Variants in ZNF519 observed in about 807,000 individuals in gnomAD.
ZNF519 encodes zinc finger protein 519.
In ZNF519, 7 loss-of-function variants were observed where a neutral mutation model predicts 7.4. That is an observed-to-expected ratio of 0.94 (90% CI 0.54 to 1.77). The LOEUF (loss-of-function observed/expected upper bound fraction) is 1.77, where lower values mean the gene tolerates loss of function less well. Ranked by LOEUF, ZNF519 falls within the 40% of genes most tolerant of loss-of-function variation. The probability of loss-of-function intolerance (pLI) is 0.00; values close to 1 mark genes in which losing one functional copy is unlikely to be tolerated. For missense variants in ZNF519, 586 were observed against 623.1 expected, an observed-to-expected ratio of 0.94 and a Z score of 0.63; for synonymous variants, 179 against 203.3, an observed-to-expected ratio of 0.88 and a Z score of 1.02.
At chr18:14,086,842 C>T (rs1027765397) in intron 2 of ZNF519, among the ~76,000 whole-genome samples, 3 of 152,082 alleles carry the variant, frequency 2.0e-5, no homozygotes, top group African/African-American at 7.2e-5. Flanking sequence ...ATAAAAAATA[C>T]CAGCAGAATC....
intron 1 of ZNF519, among the ~76,000 whole-genome samples, chr18:14,128,044 C>T (rs1897604772): frequency 6.6e-6 from 1 of 151,914 alleles, no homozygotes; most frequent in African/African-American, 2.4e-5. Context: ...AATCCCAGCA[C>T]TCTGGGAGGC....
downstream of ZNF519, chr18:14,071,431 T>G (rs1198177454): frequency 6.6e-6 from 1 of 152,038 alleles, no homozygotes; most frequent in Non-Finnish European, 1.5e-5. Flanking sequence ...GACAAGAAAT[T>G]TAAACAATAG....
intron 2 of ZNF519, chr18:14,121,719 C>T (rs1255464073): frequency 6.6e-6 from 1 of 152,066 alleles, no homozygotes; most frequent in Non-Finnish European, 1.5e-5. Flanking sequence ...ACTGAGTATA[C>T]ACATATACGA....
chr18:14,106,939 C>T lies in ZNF519; in HGVS notation c.131-530G>A, dbSNP rs146444962. On this transcript the variant is annotated intron_variant, in intron 2 of 2. Transcript: ENST00000590202. ...CTGGGCAGAGAGGAATCACCCTTCC[C>T]GGTGATTGGAACTTGAGTTCTGGCA... 5.4e-4 allele frequency among the ~76,000 whole-genome samples: 82 copies of T among 152,206 alleles called. 1 individual carries two copies. Among genetic ancestry groups the T allele is most frequent in the Middle Eastern group, 3.4e-3 (1 of 294 alleles).
chr18:14,102,122 T>C lies in ZNF519; in HGVS notation c.*2795A>G. The C allele has an allele frequency of 6.3e-6, 1 of 159,686 alleles. No homozygotes were observed. The highest frequency in any genetic ancestry group is 1.4e-5 in the Non-Finnish European group (1 of 73,098). 9.9% of individuals were successfully genotyped at this position (159,686 alleles called of 1,614,324 possible). ...TTAATTCCATCCTATCATTCATTCA[T>C]TCATTTATTTATTTATTTAGAGATG... On this transcript the variant is annotated 3_prime_UTR_variant, in exon 3 of 3. Coordinates refer to ENST00000590202, the MANE Select transcript of ZNF519 (RefSeq NM_145287.4).
intron 3 of ZNF519, among the ~76,000 whole-genome samples, chr18:14,081,686 A>T (rs1841459821): frequency 6.6e-6 from 1 of 152,162 alleles, no homozygotes; most frequent in Non-Finnish European, 1.5e-5. Context: ...TTTAATTCTG[A>T]CAACTTTCAG....
intron 2 of ZNF519, among the ~76,000 whole-genome samples, chr18:14,089,331 T>A (rs1002029284): frequency 3.2e-4 from 48 of 152,210 alleles, no homozygotes; most frequent in African/African-American, 1.1e-3. Flanking sequence ...AAATTCTTTA[T>A]TGCATTATAA....
intron 1 of ZNF519, among the ~76,000 whole-genome samples, chr18:14,128,723 A>ACACACACACACT (rs1252285049): frequency 6.6e-6 from 1 of 150,452 alleles, no homozygotes; most frequent in African/African-American, 2.5e-5. Context: ...ACACACACAC[A>ACACACACACACT]CAAAACCAAA....
At chr18:14,098,161 C>CT (rs11438208), downstream of ZNF519, among the ~76,000 whole-genome samples, 29,787 of 139,736 alleles carry the variant, frequency 0.21, 3,434 homozygotes, top group African/African-American at 0.23. Context: ...CTTTCACTGT[C>CT]TTTTTTTTTT....
At chr18:14,076,433 T>C (rs947796580) in exon 5 of ZNF519, 2 of 152,020 alleles carry the variant, frequency 1.3e-5, no homozygotes, top group African/African-American at 2.4e-5. Context: ...AACCAAGAAA[T>C]AGGGCACAGT....
rs777495397 is a variant in ZNF519, at chr18:14,105,541, T to G, written c.999A>C (p.Ser333=). 1 of 1,614,152 alleles carries G rather than the reference T, an allele frequency of 6.2e-7. No individual in the cohort carries two copies. The highest frequency in any genetic ancestry group is 1.1e-5 in the South Asian group (1 of 91,074). Residue 333 remains serine, a synonymous_variant, in exon 3 of 3, where the codon TCA becomes TCC. Transcript: ENST00000590202. ...GGATTCTCTGATGTTGAGTAAGGTA[T>G]GAGCCTCTGTTAAAAGCTTTGCCAC... is the stretch of plus-strand genomic sequence containing the variant. ...KECGKAFNRG[S]YLTQHQRIHT... is the part of the protein sequence containing the mutation.
intron 2 of ZNF519, chr18:14,122,431 A>G (rs1484021564): frequency 1.3e-5 from 2 of 152,138 alleles, no homozygotes; most frequent in African/African-American, 4.8e-5. Context: ...CACCTTACAC[A>G]TTTTAGACAT....
At chr18:14,119,483 G>A (rs1170520440) in intron 2 of ZNF519, among the ~76,000 whole-genome samples, 4 of 152,152 alleles carry the variant, frequency 2.6e-5, no homozygotes, top group East Asian at 1.9e-4. Context: ...AGGCTCTCCC[G>A]TTTGGAAAAG....
At chr18:14,078,943 T>C (rs1213876629) in intron 3 of ZNF519, among the ~76,000 whole-genome samples, 1 of 152,152 alleles carries the variant, frequency 6.6e-6, no homozygotes, top group Admixed American at 6.5e-5. Flanking sequence ...AACTTCAAGA[T>C]GTACAAAACC....
In ZNF519 at chr18:14,104,703, T is replaced by G; in HGVS notation, c.*214A>C. 1 of 426,144 alleles carries G rather than the reference T, an allele frequency of 2.3e-6. No homozygotes were observed. Among genetic ancestry groups the G allele is most frequent in the Non-Finnish European group, 4.0e-6 (1 of 247,222 alleles). 26.4% of individuals were successfully genotyped at this position (426,144 alleles called of 1,614,324 possible). On this transcript the variant is annotated 3_prime_UTR_variant, in exon 3 of 3. Coordinates refer to ENST00000590202, the MANE Select transcript of ZNF519 (RefSeq NM_145287.4). ...TATCTAATTGAGTTTGAATTATTTG[T>G]TATAATAAACACACTGATTCAGAGT...
At chr18:14,076,906 G>A (rs946673948) in exon 5 of ZNF519, 1 of 152,156 alleles carries the variant, frequency 6.6e-6, no homozygotes, top group African/African-American at 2.4e-5. Flanking sequence ...TCTCCATTAA[G>A]TATATAATAT....
At chr18:14,097,672 G>T (rs1045637660), downstream of ZNF519, among the ~76,000 whole-genome samples, 1 of 152,194 alleles carries the variant, frequency 6.6e-6, no homozygotes, top group Non-Finnish European at 1.5e-5. Context: ...CCTGAATGGG[G>T]ACATGACCAC....
intron 2 of ZNF519, among the ~76,000 whole-genome samples, chr18:14,089,100 T>C (rs2046103547): frequency 6.6e-6 from 1 of 152,172 alleles, no homozygotes; most frequent in East Asian, 1.9e-4. Flanking sequence ...ACTTATTCCA[T>C]CTGTGATGAA....
rs757058920 is a variant in ZNF519, at chr18:14,105,762, T to G, written c.778A>C (p.Thr260Pro). Residue 260 changes from threonine to proline, a missense_variant, in exon 3 of 3, where the codon ACT (threonine) becomes CCT (proline). Thr to Pro is a conservative substitution (Grantham distance 38, BLOSUM62 -1). Coordinates refer to ENST00000590202, the MANE Select transcript of ZNF519 (RefSeq NM_145287.4). Reference sequence around the variant, plus strand: ...TTATATTTCACTGATTTTTCTCCAGTGTTAATTATCTTATGTCCCTTTAGA... The same window carrying G: ...TTATATTTCACTGATTTTTCTCCAGGGTTAATTATCTTATGTCCCTTTAGA... ...SHLKGHKIINTGEKSVKYKER... is the reference protein window; with the variant it reads ...SHLKGHKIINPGEKSVKYKER... 26 of 1,613,862 alleles carry G rather than the reference T, an allele frequency of 1.6e-5. No homozygotes were observed. Among genetic ancestry groups the G allele is most frequent in the Middle Eastern group, 1.7e-4 (1 of 6,060 alleles).
Sources: allele counts gnomAD v4.1 joint callset (sites outside exome capture counted in the v4.1 genomes callset), GRCh38; gene constraint gnomAD v4.1.1; transcripts MANE v1.5; gene names NCBI Gene and HGNC (gene_info 2026-07-23, HGNC 2026-07-21).